Variants in LOC128092253 observed in about 807,000 individuals in gnomAD.
the LOC128092253 span, among the ~76,000 whole-genome samples, chr6:133,957,401 A>G: frequency 3.3e-5 from 5 of 152,246 alleles, no homozygotes; most frequent in African/African-American, 9.6e-5. Flanking sequence ...TTAGCACAAG[A>G]TAGACATCTG....
chr6:133,971,328 G>A, the LOC128092253 span, among the ~76,000 whole-genome samples: 1 of 152,180 alleles, frequency 6.6e-6, no homozygotes. Context: ...TGGACACTTA[G>A]ATTGATTCCA....
chr6:133,970,746 A>G, the LOC128092253 span, among the ~76,000 whole-genome samples: 1 of 152,032 alleles, frequency 6.6e-6, no homozygotes, highest in Non-Finnish European at 1.5e-5. Flanking sequence ...AACCACAGGC[A>G]TGCACCACCA....
chr6:133,979,957 T>C, the LOC128092253 span: 9 of 772,574 alleles, frequency 1.2e-5, no homozygotes, highest in Non-Finnish European at 1.6e-5. Context: ...AGGGACATGA[T>C]TTGATTCTAG....
the LOC128092253 span, among the ~76,000 whole-genome samples, chr6:133,962,178 C>G: frequency 1.3e-5 from 2 of 152,050 alleles, no homozygotes; most frequent in South Asian, 4.1e-4. Context: ...TAAGGAAGAT[C>G]GGGGGTGGGA....
chr6:133,954,582 GGTGA>G, the LOC128092253 span, among the ~76,000 whole-genome samples: 39 of 152,178 alleles, frequency 2.6e-4, no homozygotes, highest in Non-Finnish European at 4.4e-4. Context: ...AATCATTTTG[GGTGA>G]GTAAATGAGG....
the LOC128092253 span, among the ~76,000 whole-genome samples, chr6:133,966,363 T>G: frequency 6.6e-6 from 1 of 152,176 alleles, no homozygotes; most frequent in African/African-American, 2.4e-5. Flanking sequence ...ATAGTAACAT[T>G]ACCATTGACC....
At chr6:133,961,301 AAC>A in the LOC128092253 span, among the ~76,000 whole-genome samples, 1 of 152,088 alleles carries the variant, frequency 6.6e-6, no homozygotes. Flanking sequence ...ATTTAAATTA[AAC>A]AGTTATCTTC....
chr6:133,956,995 G>T, the LOC128092253 span, among the ~76,000 whole-genome samples: 1 of 152,172 alleles, frequency 6.6e-6, no homozygotes, highest in Non-Finnish European at 1.5e-5. Flanking sequence ...TGGAGTTTGT[G>T]TATTTGTGTA....
the LOC128092253 span, among the ~76,000 whole-genome samples, chr6:133,964,222 T>G: frequency 6.6e-6 from 1 of 152,154 alleles, no homozygotes; most frequent in African/African-American, 2.4e-5. Flanking sequence ...TTTCTTCTGA[T>G]CTCTAGCCAA....
At chr6:133,976,924 C>G in the LOC128092253 span, among the ~76,000 whole-genome samples, 1 of 149,092 alleles carries the variant, frequency 6.7e-6, no homozygotes, top group Non-Finnish European at 1.5e-5. Context: ...GCCAAGATCG[C>G]GTCACAGCCC....
chr6:133,974,386 T>A, the LOC128092253 span, among the ~76,000 whole-genome samples: 2 of 152,216 alleles, frequency 1.3e-5, no homozygotes, highest in Admixed American at 6.5e-5. Flanking sequence ...CAGGTTGGAG[T>A]GCAGTGGCGC....
chr6:133,955,309 T>C, the LOC128092253 span, among the ~76,000 whole-genome samples: 2 of 150,866 alleles, frequency 1.3e-5, no homozygotes, highest in Non-Finnish European at 2.9e-5. Context: ...AACAATGCAG[T>C]GTCTGCTTTC....
chr6:133,976,974 AAAAAAAAAG>A, the LOC128092253 span, among the ~76,000 whole-genome samples: 5 of 149,404 alleles, frequency 3.3e-5, no homozygotes, highest in Non-Finnish European at 7.4e-5. Context: ...TCTCAAAAAA[AAAAAAAAAG>A]AAAAAAAAGA....
the LOC128092253 span, among the ~76,000 whole-genome samples, chr6:133,960,308 G>A: frequency 1.3e-5 from 2 of 152,116 alleles, no homozygotes; most frequent in Non-Finnish European, 2.9e-5. Context: ...TGTACTGAGG[G>A]GGGAGGCCCT....
the LOC128092253 span, among the ~76,000 whole-genome samples, chr6:133,979,147 A>T: frequency 6.6e-6 from 1 of 152,188 alleles, no homozygotes; most frequent in African/African-American, 2.4e-5. Context: ...CTCCTCCTGT[A>T]CACCCAAGTT....
the LOC128092253 span, among the ~76,000 whole-genome samples, chr6:133,963,855 G>A: frequency 2.0e-5 from 3 of 148,144 alleles, no homozygotes; most frequent in South Asian, 2.1e-4. Context: ...GTGGTGAAAC[G>A]CCGTCTCTAC....
the LOC128092253 span, among the ~76,000 whole-genome samples, chr6:133,959,566 C>A: frequency 6.6e-6 from 1 of 152,154 alleles, no homozygotes; most frequent in Non-Finnish European, 1.5e-5. Context: ...ACTGCAACCT[C>A]CATCTTCTGG....
chr6:133,959,628 C>T, the LOC128092253 span, among the ~76,000 whole-genome samples: 6 of 152,134 alleles, frequency 3.9e-5, no homozygotes, highest in African/African-American at 1.2e-4. Context: ...ATTACAGGCA[C>T]CCACCACCAC....
the LOC128092253 span, among the ~76,000 whole-genome samples, chr6:133,953,783 C>T: frequency 2.6e-5 from 4 of 152,054 alleles, no homozygotes; most frequent in Non-Finnish European, 5.9e-5. Flanking sequence ...AAAGAGATTC[C>T]TCATCTGTCT....
Sources: gnomAD v4.1 joint callset for allele counts (sites outside exome capture counted in the v4.1 genomes callset) on GRCh38, gnomAD v4.1.1 for gene constraint, MANE v1.5 for transcripts.